Variants in SLC35F1 observed in about 807,000 individuals in gnomAD.
SLC35F1 encodes the protein chromosome 6 open reading frame 169.
SLC35F1 carries 14 observed loss-of-function variants against 48.7 expected under a neutral mutation model. The observed-to-expected ratio is 0.29, with a 90% CI of 0.19 to 0.45. The LOEUF is 0.45. Ranked by LOEUF, SLC35F1 falls within the 20% of genes least tolerant of loss-of-function variation. The probability of loss-of-function intolerance (pLI) is 1.00; values close to 1 mark genes in which losing one functional copy is unlikely to be tolerated. For synonymous variants in SLC35F1, 190 were observed against 202.2 expected (o/e 0.94, Z 0.51); for missense variants, 404 against 500.0 (o/e 0.81, Z 1.83).
intron 4 of SLC35F1, among the ~76,000 whole-genome samples, chr6:118,267,914 A>G (rs535502560): frequency 6.6e-6 from 1 of 151,528 alleles, no homozygotes; most frequent in African/African-American, 2.4e-5. Context: ...TAGCTACAGA[A>G]GGGTTTTTGG....
chr6:117,928,871 C>G (rs1416674607), intron 1 of SLC35F1, among the ~76,000 whole-genome samples: 1 of 152,154 alleles, frequency 6.6e-6, no homozygotes, highest in African/African-American at 2.4e-5. Flanking sequence ...GATTGTGAAA[C>G]TGGCCCAGTT....
chr6:117,996,489 C>T (rs1220241826), intron 1 of SLC35F1, among the ~76,000 whole-genome samples: 1 of 152,174 alleles, frequency 6.6e-6, no homozygotes, highest in Non-Finnish European at 1.5e-5. Flanking sequence ...CAAGTGGGTC[C>T]CTGACCCCTG....
intron 3 of SLC35F1, among the ~76,000 whole-genome samples, chr6:118,246,899 G>A (rs916072454): frequency 6.6e-6 from 1 of 152,102 alleles, no homozygotes; most frequent in African/African-American, 2.4e-5. Context: ...CCTACTAAGT[G>A]ACTTTTAACA....
intron 1 of SLC35F1, among the ~76,000 whole-genome samples, chr6:118,031,533 T>C (rs963122485): frequency 6.6e-6 from 1 of 152,152 alleles, no homozygotes; most frequent in Non-Finnish European, 1.5e-5. Flanking sequence ...ATCCTAGTGA[T>C]GCAGGACAGG....
intron 1 of SLC35F1, among the ~76,000 whole-genome samples, chr6:117,938,928 T>C (rs1776194087): frequency 6.6e-6 from 1 of 151,420 alleles, no homozygotes. Context: ...CAGTCCCCTC[T>C]GTCCTCCCTG....
intron 1 of SLC35F1, among the ~76,000 whole-genome samples, chr6:117,958,258 CAA>C (rs1186383084): frequency 1.3e-5 from 2 of 151,624 alleles, no homozygotes; most frequent in Admixed American, 6.6e-5. Context: ...ACTGTTATCA[CAA>C]AAGAGTCAAA....
intron 7 of SLC35F1, among the ~76,000 whole-genome samples, chr6:118,289,944 A>G (rs1274418412): frequency 6.6e-6 from 1 of 152,158 alleles, no homozygotes; most frequent in Non-Finnish European, 1.5e-5. Context: ...GGCTTCCTTA[A>G]CCATGGCGAT....
chr6:117,992,786 G>C (rs1448862669), intron 1 of SLC35F1, among the ~76,000 whole-genome samples: 1 of 152,142 alleles, frequency 6.6e-6, no homozygotes, highest in Non-Finnish European at 1.5e-5. Flanking sequence ...TCCTTATTTT[G>C]AAATTAATTG....
At chr6:117,997,634 A>T (rs1224051899) in intron 1 of SLC35F1, among the ~76,000 whole-genome samples, 2 of 152,230 alleles carry the variant, frequency 1.3e-5, no homozygotes, top group Non-Finnish European at 2.9e-5. Context: ...ATTCTTAAAG[A>T]AAAGAATTTT....
chr6:118,023,089 T>TATACAGGA (rs1226070474), intron 1 of SLC35F1, among the ~76,000 whole-genome samples: 2 of 152,098 alleles, frequency 1.3e-5, no homozygotes, highest in African/African-American at 4.8e-5. Context: ...CAGCCACCCT[T>TATACAGGA]ATACAGGAAT....
intron 1 of SLC35F1, among the ~76,000 whole-genome samples, chr6:118,049,020 A>C (rs1772343161): frequency 1.3e-5 from 2 of 152,316 alleles, no homozygotes; most frequent in South Asian, 4.1e-4. Flanking sequence ...ACAGAGATAT[A>C]GATCAATGGA....
intron 3 of SLC35F1, among the ~76,000 whole-genome samples, chr6:118,258,332 C>T (rs1373855987): frequency 2.0e-5 from 3 of 152,020 alleles, no homozygotes; most frequent in Admixed American, 6.6e-5. Flanking sequence ...GTGCTCTTTT[C>T]GAAAAGGGTA....
intron 1 of SLC35F1, among the ~76,000 whole-genome samples, chr6:118,116,336 C>T (rs1426141107): frequency 6.6e-6 from 1 of 152,214 alleles, no homozygotes; most frequent in Non-Finnish European, 1.5e-5. Context: ...TGCCTTCAAA[C>T]TGACCATGCT....
intron 7 of SLC35F1, among the ~76,000 whole-genome samples, chr6:118,294,333 A>C (rs552802791): frequency 6.6e-6 from 1 of 152,216 alleles, no homozygotes; most frequent in Non-Finnish European, 1.5e-5. Flanking sequence ...TAGAATTTTT[A>C]GGTGACAACC....
intron 1 of SLC35F1, among the ~76,000 whole-genome samples, chr6:118,075,564 A>G (rs960860119): frequency 6.6e-6 from 1 of 152,236 alleles, no homozygotes; most frequent in Non-Finnish European, 1.5e-5. Context: ...CCTGACTAAT[A>G]TAGTACTTAC....
chr6:118,091,888 ACT>A (rs1249472834), intron 1 of SLC35F1, among the ~76,000 whole-genome samples: 1 of 152,098 alleles, frequency 6.6e-6, no homozygotes, highest in Non-Finnish European at 1.5e-5. Flanking sequence ...AGTAAAGGTC[ACT>A]CTTGCTATGC....
chr6:117,959,945 A>C (rs1776476776), intron 1 of SLC35F1, among the ~76,000 whole-genome samples: 1 of 152,156 alleles, frequency 6.6e-6, no homozygotes, highest in Non-Finnish European at 1.5e-5. Context: ...TTGAGGTTAT[A>C]AACAGCTAAT....
rs910291211 is a variant in SLC35F1 at position 118,266,647 on chromosome 6, G to A, written c.478-348G>A. On this transcript the variant is annotated intron_variant, in intron 3 of 7. Transcript: ENST00000360388. ...TAAAAAGGCTGGGTGTACTGTCCCC[G>A]AACCAAAGATGTTCCCATGGAGCAT... Among the ~76,000 whole-genome samples the A allele has an allele frequency of 8.5e-5, 13 of 152,188 alleles. No homozygotes were observed. In the South Asian group the frequency reaches 1.5e-3, roughly 17 times the overall value.
At chr6:117,937,471 TA>T (rs1776175650) in intron 1 of SLC35F1, among the ~76,000 whole-genome samples, 1 of 152,176 alleles carries the variant, frequency 6.6e-6, no homozygotes, top group Non-Finnish European at 1.5e-5. Context: ...TATCAACCAC[TA>T]AAAAACTCCT....
Sources: gnomAD v4.1 joint callset for allele counts (sites outside exome capture counted in the v4.1 genomes callset) on GRCh38, gnomAD v4.1.1 for gene constraint, MANE v1.5 for transcripts, NCBI Gene and HGNC (gene_info 2026-07-23, HGNC 2026-07-21) for gene names.